The following CADPS2 variants were observed in gnomAD, a reference collection of about 807,000 sequenced individuals.
The protein encoded by CADPS2 is calcium dependent secretion activator 2, also known as calcium-dependent secretion activator 2.
A neutral mutation model predicts 172.5 loss-of-function variants in CADPS2; 93 were observed. The ratio of observed to expected loss-of-function variants is 0.54; its 90% CI spans 0.46 to 0.64. CADPS2 has a LOEUF of 0.64. Among genes scored for constraint, CADPS2 ranks in the 30% least tolerant of loss-of-function variants. CADPS2 has a pLI of 0.00. For synonymous variants in CADPS2, 546 were observed against 555.2 expected (o/e 0.98, Z 0.23); for missense variants, 1,420 against 1,565.9 (o/e 0.91, Z 1.57).
chr7:122,492,459 T>C (rs1490423654), intron 9 of CADPS2, among the ~76,000 whole-genome samples: 1 of 152,078 alleles, frequency 6.6e-6, no homozygotes, highest in Admixed American at 6.6e-5. Flanking sequence ...CACAAGGCCA[T>C]ATTTGAACAA....
intron 2 of CADPS2, among the ~76,000 whole-genome samples, chr7:122,725,925 T>G (rs1380094000): frequency 6.6e-6 from 1 of 151,952 alleles, no homozygotes; most frequent in East Asian, 1.9e-4. Flanking sequence ...AGCAGATACC[T>G]ATTTACAAGA....
At chr7:122,622,206 C>T (rs2075673992) in intron 4 of CADPS2, among the ~76,000 whole-genome samples, 1 of 152,112 alleles carries the variant, frequency 6.6e-6, no homozygotes, top group Non-Finnish European at 1.5e-5. Flanking sequence ...CATAAATAGG[C>T]ATTAAAAACT....
intron 9 of CADPS2, among the ~76,000 whole-genome samples, chr7:122,503,489 G>A (rs967823997): frequency 1.3e-5 from 2 of 152,126 alleles, no homozygotes; most frequent in Non-Finnish European, 2.9e-5. Context: ...AGGATGCACA[G>A]TTGTATAAAA....
chr7:122,469,232 T>C (rs999207133), intron 14 of CADPS2, among the ~76,000 whole-genome samples: 12 of 152,184 alleles, frequency 7.9e-5, no homozygotes, highest in African/African-American at 2.9e-4. Flanking sequence ...CACATATATT[T>C]TGGGGGCACA....
intron 1 of CADPS2, chr7:122,849,614 T>C (rs1040280991): frequency 8.2e-6 from 2 of 242,760 alleles, no homozygotes; most frequent in Admixed American, 5.3e-5. Context: ...ATTTAACAAA[T>C]TGTTATTAAG....
At position 122,641,330 on chromosome 7, in the gene CADPS2, A is replaced by G. The variant is rs145349839; in HGVS notation, c.787-12002T>C. Among the ~76,000 whole-genome samples, 411 of 152,328 alleles carry G rather than the reference A, an allele frequency of 2.7e-3. 1 individual carries two copies. The highest frequency in any genetic ancestry group is 8.8e-3 in the African/African-American group (367 of 41,588). ...TTGACAAATATTTAGTTCAGAAAAT[A>G]TGCTTTTATTTTCCTCCTGTTCATT... On this transcript the variant is annotated intron_variant, in intron 3 of 29. Transcript: ENST00000449022.
intron 14 of CADPS2, among the ~76,000 whole-genome samples, chr7:122,470,376 G>A (rs966433733): frequency 3.4e-4 from 52 of 151,964 alleles, no homozygotes; most frequent in African/African-American, 1.1e-3. Context: ...AAAAGTTAAC[G>A]GGCCATTAAT....
At chr7:122,335,591 AG>A (rs1359793349) in intron 28 of CADPS2, among the ~76,000 whole-genome samples, 2 of 152,238 alleles carry the variant, frequency 1.3e-5, no homozygotes, top group Non-Finnish European at 2.9e-5. Flanking sequence ...AGGTCAGTAG[AG>A]CAAAAGTATG....
chr7:122,487,161 C>T (rs2057899963), intron 11 of CADPS2, among the ~76,000 whole-genome samples: 2 of 151,850 alleles, frequency 1.3e-5, no homozygotes, highest in African/African-American at 2.4e-5. Flanking sequence ...CAGCCACGTA[C>T]CACCATGCTC....
intron 7 of CADPS2, among the ~76,000 whole-genome samples, chr7:122,568,247 TAAC>T (rs2066724091): frequency 6.6e-6 from 1 of 151,136 alleles, no homozygotes; most frequent in South Asian, 2.1e-4. Context: ...AAAACAAAAA[TAAC>T]AACAACAATA....
intron 1 of CADPS2, among the ~76,000 whole-genome samples, chr7:122,856,968 T>C (rs1815425381): frequency 6.6e-6 from 1 of 152,228 alleles, no homozygotes; most frequent in African/African-American, 2.4e-5. Flanking sequence ...TAATATAATA[T>C]TTCCAGTCCA....
chr7:122,847,179 TGGG>T (rs1812217260), intron 1 of CADPS2, among the ~76,000 whole-genome samples: 1 of 152,124 alleles, frequency 6.6e-6, no homozygotes, highest in Non-Finnish European at 1.5e-5. Flanking sequence ...CTCCGCCTCC[TGGG>T]TTCAAGCAAT....
intron 1 of CADPS2, among the ~76,000 whole-genome samples, chr7:122,869,137 T>C (rs947078939): frequency 6.6e-6 from 1 of 151,932 alleles, no homozygotes; most frequent in Admixed American, 6.6e-5. Flanking sequence ...AAACCATATT[T>C]AAAGAAATAA....
intron 6 of CADPS2, among the ~76,000 whole-genome samples, chr7:122,600,192 T>TG (rs1447447886): frequency 1.3e-5 from 2 of 152,060 alleles, no homozygotes; most frequent in Admixed American, 6.6e-5. Context: ...AAACAACACA[T>TG]GCAGTAGCTA....
chr7:122,480,800 T>A, intron 12 of CADPS2, 52 bp downstream of exon 12: 1 of 1,235,590 alleles, frequency 8.1e-7, no homozygotes, highest in Non-Finnish European at 1.1e-6. Flanking sequence ...AAACATAGTA[T>A]CATTAAAAAT....
At chr7:122,764,792 G>A (rs534265812) in intron 1 of CADPS2, among the ~76,000 whole-genome samples, 8 of 152,126 alleles carry the variant, frequency 5.3e-5, no homozygotes, top group Non-Finnish European at 8.8e-5. Flanking sequence ...GAAATGTACT[G>A]CGTGCATCGA....
chr7:122,559,770 C>CAA (rs71161306), intron 7 of CADPS2, among the ~76,000 whole-genome samples: 40 of 85,032 alleles, frequency 4.7e-4, no homozygotes, highest in East Asian at 1.1e-3. Context: ...GACTCCACCT[C>CAA]AAAAAAAAAA....
intron 28 of CADPS2, among the ~76,000 whole-genome samples, chr7:122,329,737 A>C (rs1016165492): frequency 1.3e-5 from 2 of 152,206 alleles, no homozygotes; most frequent in African/African-American, 4.8e-5. Flanking sequence ...ATTTTTAAAA[A>C]GTCCAGCTGC....
chr7:122,708,520 G>GATATATATAT (rs57522086), intron 2 of CADPS2, among the ~76,000 whole-genome samples: 3 of 116,452 alleles, frequency 2.6e-5, no homozygotes, highest in Non-Finnish European at 3.4e-5. Context: ...TTGTATTCGA[G>GATATATATAT]ATATATATAT....
Sources: allele counts gnomAD v4.1 joint callset (sites outside exome capture counted in the v4.1 genomes callset), GRCh38; gene constraint gnomAD v4.1.1; transcripts MANE v1.5; gene names NCBI Gene and HGNC (gene_info 2026-07-23, HGNC 2026-07-21).